Variants in PLEKHG1 observed in about 807,000 individuals in gnomAD.
The protein encoded by PLEKHG1 is pleckstrin homology and RhoGEF domain containing G1, also known as pleckstrin homology domain-containing family G member 1.
Under a neutral mutation model 100.8 loss-of-function variants are expected in PLEKHG1, and 44 were observed. The observed-to-expected ratio is 0.44, with a 90% CI of 0.34 to 0.56. The LOEUF (loss-of-function observed/expected upper bound fraction) is 0.56. Ranked by LOEUF, PLEKHG1 falls within the 20% of genes least tolerant of loss-of-function variation. The probability of loss-of-function intolerance (pLI) is 0.01; values close to 1 mark genes in which losing one functional copy is unlikely to be tolerated. For missense variants in PLEKHG1, 1,545 were observed against 1,720.9 expected (o/e 0.90, Z 1.81); for synonymous variants, 640 against 662.5 (o/e 0.97, Z 0.52).
At chr6:150,628,549 C>CACACACACACAT (rs1777601264) in intron 1 of PLEKHG1, among the ~76,000 whole-genome samples, 1 of 148,840 alleles carries the variant, frequency 6.7e-6, no homozygotes, top group Non-Finnish European at 1.5e-5. Context: ...CACACACACA[C>CACACACACACAT]ACACACACAC....
chr6:150,724,871 C>G (rs1781884090), intron 1 of PLEKHG1, among the ~76,000 whole-genome samples: 1 of 152,134 alleles, frequency 6.6e-6, no homozygotes, highest in African/African-American at 2.4e-5. Context: ...TAGGGAATTT[C>G]TTTAGGTTCT....
At chr6:150,771,562 T>C (rs1300671497) in intron 3 of PLEKHG1, among the ~76,000 whole-genome samples, 1 of 151,762 alleles carries the variant, frequency 6.6e-6, no homozygotes, top group African/African-American at 2.4e-5. Flanking sequence ...CTTTTTTCTT[T>C]TGAGGCAGAG....
chr6:150,750,722 A>C (rs1783462668), intron 2 of PLEKHG1, among the ~76,000 whole-genome samples: 1 of 130,072 alleles, frequency 7.7e-6, no homozygotes. Context: ...CGGAGCTTGC[A>C]GTGAGCCGAG....
chr6:150,616,373 A>T (rs1381030923), intron 1 of PLEKHG1, among the ~76,000 whole-genome samples: 1 of 152,180 alleles, frequency 6.6e-6, no homozygotes, highest in Non-Finnish European at 1.5e-5. Flanking sequence ...TTGGGAAGAG[A>T]AAAGGAAGGT....
intron 3 of PLEKHG1, among the ~76,000 whole-genome samples, chr6:150,694,906 G>A (rs529301434): frequency 1.3e-5 from 2 of 152,214 alleles, no homozygotes; most frequent in South Asian, 4.1e-4. Context: ...TTCTGTGCTA[G>A]TAAATTTTTA....
At chr6:150,815,744 A>G (rs987742942) in intron 10 of PLEKHG1, among the ~76,000 whole-genome samples, 1 of 152,272 alleles carries the variant, frequency 6.6e-6, no homozygotes, top group Non-Finnish European at 1.5e-5. Context: ...GTACTGGGAT[A>G]TCACAGATGG....
At chr6:150,805,688 C>T (rs1021816343) in intron 7 of PLEKHG1, among the ~76,000 whole-genome samples, 53 of 151,960 alleles carry the variant, frequency 3.5e-4, no homozygotes, top group Non-Finnish European at 7.1e-4. Context: ...CCACCACGCC[C>T]GGCTCATTTT....
At chr6:150,815,227 CTAA>C (rs1196970427) in intron 10 of PLEKHG1, among the ~76,000 whole-genome samples, 1 of 152,160 alleles carries the variant, frequency 6.6e-6, no homozygotes, top group Non-Finnish European at 1.5e-5. Context: ...TATCACCAGT[CTAA>C]TAATGTCAAC....
chr6:150,699,818 A>G (rs1372055481), intron 3 of PLEKHG1, among the ~76,000 whole-genome samples: 1 of 152,190 alleles, frequency 6.6e-6, no homozygotes, highest in Non-Finnish European at 1.5e-5. Flanking sequence ...AATAAACTAA[A>G]TTTCTTTTGA....
chr6:150,642,016 T>TA (rs202088786), intron 2 of PLEKHG1, among the ~76,000 whole-genome samples: 1,552 of 150,020 alleles, frequency 0.01, 20 homozygotes, highest in African/African-American at 0.035. Context: ...GAAGCCTGGG[T>TA]AAAAAAAAAC....
At chr6:150,796,173 C>G (rs1371810309) in intron 5 of PLEKHG1, among the ~76,000 whole-genome samples, 1 of 152,222 alleles carries the variant, frequency 6.6e-6, no homozygotes, top group Non-Finnish European at 1.5e-5. Context: ...CAAAAGGAAA[C>G]TAAGCAAGCT....
At chr6:150,780,410 G>A (rs1156924347) in intron 3 of PLEKHG1, among the ~76,000 whole-genome samples, 2 of 152,010 alleles carry the variant, frequency 1.3e-5, no homozygotes, top group African/African-American at 4.8e-5. Flanking sequence ...CACTGCACCT[G>A]GCCCTCTGGC....
At chr6:150,614,008 T>A (rs4870535) in intron 1 of PLEKHG1, among the ~76,000 whole-genome samples, 1 of 152,152 alleles carries the variant, frequency 6.6e-6, no homozygotes. Context: ...CTACCACACC[T>A]GAAATGTATA....
intron 2 of PLEKHG1, among the ~76,000 whole-genome samples, chr6:150,748,815 AG>A (rs1346635899): frequency 6.6e-6 from 1 of 151,796 alleles, no homozygotes; most frequent in African/African-American, 2.4e-5. Flanking sequence ...TAGTAGAGAC[AG>A]GGTTTCACCA....
At position 150,811,430 on chromosome 6, in the gene PLEKHG1, C is replaced by A. The variant is rs1562541303; in HGVS notation, c.1278+1696C>A. Among the ~76,000 whole-genome samples the A allele has an allele frequency of 1.3e-5, 2 of 152,110 alleles. 1 individual carries two copies. Among genetic ancestry groups the A allele is most frequent in the South Asian group, 4.2e-4 (2 of 4,816 alleles). On this transcript the variant is annotated intron_variant, in intron 10 of 15. Transcript: ENST00000358517. ...GGACCACAGGCTTGTGCCACCACAC[C>A]AAGCTAATTTTTGTATTTTTGGTAA...
chr6:150,815,607 GTATGAGAGAGA>G lies in PLEKHG1; in HGVS notation c.1279-2573_1279-2563del, dbSNP rs372653086. 2.5e-3 allele frequency among the ~76,000 whole-genome samples: 382 copies of G among 152,302 alleles called. 1 individual carries two copies. Among genetic ancestry groups the G allele is most frequent in the Non-Finnish European group, 3.5e-3 (237 of 68,022 alleles). On this transcript the variant is annotated intron_variant, in intron 10 of 15. Transcript: ENST00000358517. ...CAACTCATAATCTCAAACTCTGAATGTATGAGAGAGATAGCTATCAGGTTACAAAAATTGAA... is the reference window on the plus strand; with the variant it reads ...CAACTCATAATCTCAAACTCTGAATGTAGCTATCAGGTTACAAAAATTGAA...
chr6:150,733,766 G>T (rs545424709), exon 2 of PLEKHG1: 1 of 1,614,120 alleles, frequency 6.2e-7, no homozygotes. Flanking sequence ...TGGTTCCTTC[G>T]GCAGCAGAAT....
At chr6:150,810,508 GAAAGAA>G (rs1310499477) in intron 10 of PLEKHG1, among the ~76,000 whole-genome samples, 2 of 76,572 alleles carry the variant, frequency 2.6e-5, no homozygotes, top group African/African-American at 9.8e-5. Context: ...GGGAAAGAAA[GAAAGAA>G]AAAGAAAGAA....
Position 150,795,849 on chromosome 6 carries a change from C to T in PLEKHG1, c.583-7C>T, listed in dbSNP as rs756805308. On this transcript the variant is annotated splice_region_variant and splice_polypyrimidine_tract_variant and intron_variant, in intron 4 of 15. Transcript: ENST00000358517. ...TGCCTATAAAAATTTCTTTTGTTTC[C>T]TTGCAGAGTGAAGAGTTCCACATTT... 1.9e-6 allele frequency: 3 copies of T among 1,582,362 alleles called. No individual in the cohort carries two copies. The highest frequency in any genetic ancestry group is 2.7e-5 in the African/African-American group (2 of 74,190).
Sources: gnomAD v4.1 joint callset for allele counts (sites outside exome capture counted in the v4.1 genomes callset) on GRCh38, gnomAD v4.1.1 for gene constraint, MANE v1.5 for transcripts, NCBI Gene and HGNC (gene_info 2026-07-23, HGNC 2026-07-21) for gene names.